Variants in CYP4Z1 observed in about 807,000 individuals in gnomAD.
CYP4Z1 encodes cytochrome P450 4Z1.
Under a neutral mutation model 54.2 loss-of-function variants are expected in CYP4Z1, and 41 were observed. That is an observed-to-expected ratio of 0.76 (90% CI 0.59 to 0.98). The LOEUF is 0.98. Among genes scored for constraint, CYP4Z1 ranks in the 50% least tolerant of loss-of-function variants. The probability of loss-of-function intolerance (pLI) is 0.00; values close to 1 mark genes in which losing one functional copy is unlikely to be tolerated. For missense variants in CYP4Z1, 513 were observed against 599.0 expected, an observed-to-expected ratio of 0.86 and a Z score of 1.50; for synonymous variants, 163 against 206.2, an observed-to-expected ratio of 0.79 and a Z score of 1.79.
chr1:47,096,620 T>C (rs1156259452), intron 7 of CYP4Z1: 1 of 144,904 alleles, frequency 6.9e-6, no homozygotes. Flanking sequence ...CCAGCATTCA[T>C]TTGCTCTTCT....
In CYP4Z1 at chr1:47,079,907, G is replaced by A. The variant is rs1417410530; in HGVS notation, c.320-716G>A. 3.4e-5 allele frequency among the ~76,000 whole-genome samples: 5 copies of A among 148,388 alleles called. No individual in the cohort carries two copies. In the East Asian group the frequency reaches 1.1e-3, roughly 32 times the overall value. ...AGAGAGAGAATACACTAGGGACTGAGAGAGTGAATGCCATAAGATATCTTC... is the reference window on the plus strand; with the variant it reads ...AGAGAGAGAATACACTAGGGACTGAAAGAGTGAATGCCATAAGATATCTTC... On this transcript the variant is annotated intron_variant, in intron 2 of 11. Coordinates refer to ENST00000334194, the MANE Select transcript of CYP4Z1 (RefSeq NM_178134.3).
chr1:47,064,263 T>A (rs1644438836), upstream of CYP4Z1, among the ~76,000 whole-genome samples: 1 of 151,962 alleles, frequency 6.6e-6, no homozygotes, highest in Non-Finnish European at 1.5e-5. Context: ...TTTCTATTTT[T>A]AGTAGAGATG....
chr1:47,074,359 T>A (rs1247707450), intron 2 of CYP4Z1, among the ~76,000 whole-genome samples: 2 of 149,696 alleles, frequency 1.3e-5, no homozygotes, highest in Non-Finnish European at 3.0e-5. Context: ...TTTATGTCCA[T>A]GAGTACTGAA....
At chr1:47,086,808 A>G (rs1024793973) in intron 6 of CYP4Z1, among the ~76,000 whole-genome samples, 2 of 152,148 alleles carry the variant, frequency 1.3e-5, no homozygotes, top group Admixed American at 6.5e-5. Flanking sequence ...GTTTTCTTCT[A>G]GGGTTTTTAT....
At chr1:47,108,395 C>T (rs965335204) in intron 9 of CYP4Z1, among the ~76,000 whole-genome samples, 5 of 152,216 alleles carry the variant, frequency 3.3e-5, no homozygotes, top group African/African-American at 1.2e-4. Flanking sequence ...GCTTTCTCTG[C>T]CCTGCTAATG....
chr1:47,116,842 AT>A, intron 11 of CYP4Z1, 110 bp downstream of exon 11: 1 of 761,446 alleles, frequency 1.3e-6, no homozygotes, highest in Non-Finnish European at 2.1e-6. Flanking sequence ...GCTCCCCATT[AT>A]TTTACCTGGC....
At position 47,117,976 on chromosome 1, in the gene CYP4Z1, T is replaced by C. The variant is rs1644843509; in HGVS notation, c.*42T>C. 1.0e-5 allele frequency: 16 copies of C among 1,583,514 alleles called. No homozygotes were observed. The East Asian group carries it at 2.3e-4, about 22-fold the overall frequency. On this transcript the variant is annotated 3_prime_UTR_variant, in exon 12 of 12. Transcript: ENST00000334194. The stretch of plus-strand genomic sequence containing the variant: ...ATAAGAATTAATGAGACAATTTTCC[T>C]ACCAAAGGAAGAACAAAAGGATAAA...
intron 8 of CYP4Z1, among the ~76,000 whole-genome samples, chr1:47,100,143 T>A (rs1407726611): frequency 6.6e-6 from 1 of 152,236 alleles, no homozygotes; most frequent in East Asian, 1.9e-4. Context: ...ATTCTTTTGT[T>A]TGGCTTCTTT....
chr1:47,115,585 G>T lies in CYP4Z1; in HGVS notation c.1258G>T (p.Asp420Tyr). The change falls in exon 10 of 12, where the codon GAC becomes TAC. Residue 420 changes from aspartate to tyrosine, a missense_variant. Coordinates refer to ENST00000334194, the MANE Select transcript of CYP4Z1 (RefSeq NM_178134.3). Reference sequence around the variant, plus strand: ...TCACCACAACCCCTATTTCTGGGAAGACCCTCAGGTATGATTGTCCCAACT... The same window carrying T: ...TCACCACAACCCCTATTTCTGGGAATACCCTCAGGTATGATTGTCCCAACT... The part of the protein sequence containing the change: ...ALHHNPYFWE[D>Y]PQVFNPLRFS... 1 of 1,613,414 alleles carries T rather than the reference G, an allele frequency of 6.2e-7. No individual in the cohort carries two copies. The highest frequency in any genetic ancestry group is 2.2e-5 in the East Asian group (1 of 44,812).
At chr1:47,103,485 T>C (rs930780191) in intron 8 of CYP4Z1, among the ~76,000 whole-genome samples, 6 of 152,010 alleles carry the variant, frequency 3.9e-5, no homozygotes, top group Non-Finnish European at 7.4e-5. Context: ...ATGATATCTA[T>C]CTCTTTGGTG....
At chr1:47,074,024 C>T (rs866713787) in intron 2 of CYP4Z1, among the ~76,000 whole-genome samples, 1 of 151,430 alleles carries the variant, frequency 6.6e-6, no homozygotes, top group African/African-American at 2.4e-5. Context: ...TTGCCCAGTC[C>T]AAATTCATGA....
At position 47,115,597 on chromosome 1, in the gene CYP4Z1, T is replaced by G; in HGVS notation, c.1266+4T>G. On this transcript the variant is annotated splice_donor_region_variant and intron_variant, in intron 10 of 11. Transcript: ENST00000334194. ...CTATTTCTGGGAAGACCCTCAGGTA[T>G]GATTGTCCCAACTGCACCCAGTGGC... 1 of 1,613,178 alleles carries G rather than the reference T, an allele frequency of 6.2e-7. No homozygotes were observed. The highest frequency in any genetic ancestry group is 8.5e-7 in the Non-Finnish European group (1 of 1,179,492).
chr1:47,111,750 T>C (rs1644793364), intron 9 of CYP4Z1, among the ~76,000 whole-genome samples: 1 of 152,176 alleles, frequency 6.6e-6, no homozygotes, highest in Non-Finnish European at 1.5e-5. Context: ...AAAAACTTAA[T>C]TACTAAAAGA....
chr1:47,066,527 A>G (rs1044832056), upstream of CYP4Z1, among the ~76,000 whole-genome samples: 1 of 152,158 alleles, frequency 6.6e-6, no homozygotes, highest in Non-Finnish European at 1.5e-5. Context: ...AATAAAAGCC[A>G]CATAACAATA....
chr1:47,076,895 T>C (rs2148527247), intron 2 of CYP4Z1, among the ~76,000 whole-genome samples: 1 of 150,712 alleles, frequency 6.6e-6, no homozygotes, highest in East Asian at 2.0e-4. Flanking sequence ...GTTTTGTGAA[T>C]TTTCCCGTTT....
Position 47,098,944 on chromosome 1 carries a change from G to GA in CYP4Z1, c.877-144dup, listed in dbSNP as rs1323866984. The stretch of plus-strand genomic sequence containing the variant: ...ATTGCCTGGTGTTCTGTTAAGGTTT[G>GA]AAAAAAGTAAAATAGAAAAATATAT... On this transcript the variant is annotated intron_variant, in intron 7 of 11. Coordinates refer to ENST00000334194, the MANE Select transcript of CYP4Z1 (RefSeq NM_178134.3). The GA allele has an allele frequency of 4.3e-6, 4 of 922,726 alleles. No homozygotes were observed. In the South Asian group the frequency reaches 5.3e-5, roughly 12 times the overall value. 57.2% of individuals were successfully genotyped at this position (922,726 alleles called of 1,614,324 possible).
At chr1:47,083,727 T>A in intron 4 of CYP4Z1, among the ~76,000 whole-genome samples, 1 of 152,048 alleles carries the variant, frequency 6.6e-6, no homozygotes, top group East Asian at 1.9e-4. Context: ...CTGATGCACC[T>A]CTCTTCGAGT....
the CYP4Z1 span, among the ~76,000 whole-genome samples, chr1:47,057,844 A>T: frequency 6.6e-6 from 1 of 151,858 alleles, no homozygotes; most frequent in East Asian, 1.9e-4. Context: ...ACTATGGGTC[A>T]TTTTTTCCTG....
rs565559537 is a variant in CYP4Z1 at position 47,117,758 on chromosome 1, A to G, written c.1350-8A>G. The stretch of plus-strand genomic sequence containing the variant: ...TAGATGCCATGTTTTCTTTCTTGGT[A>G]TCCCCAGGAACTGCATTGGGCAGCA... On this transcript the variant is annotated splice_region_variant and splice_polypyrimidine_tract_variant and intron_variant, in intron 11 of 11. Coordinates refer to ENST00000334194, the MANE Select transcript of CYP4Z1 (RefSeq NM_178134.3). The G allele has an allele frequency of 1.3e-5, 20 of 1,594,262 alleles. No homozygotes were observed. In the South Asian group the frequency reaches 1.7e-4, roughly 14 times the overall value.
Sources: gnomAD v4.1 joint callset for allele counts (sites outside exome capture counted in the v4.1 genomes callset) on GRCh38, gnomAD v4.1.1 for gene constraint, MANE v1.5 for transcripts, NCBI Gene and HGNC (gene_info 2026-07-23, HGNC 2026-07-21) for gene names.